The following TCF4 variants were observed in gnomAD, a reference collection of about 807,000 sequenced individuals.
The protein encoded by TCF4 is transcription factor 4.
Under a neutral mutation model 82.1 loss-of-function variants are expected in TCF4, and 3 were observed. The ratio of observed to expected loss-of-function variants is 0.04; its 90% confidence interval spans 0.02 to 0.09. The LOEUF (loss-of-function observed/expected upper bound fraction) is 0.09, where lower values mean the gene tolerates loss of function less well. TCF4 is among the 10% of genes least tolerant of loss of function. TCF4 has a pLI of 1.00. For missense variants in TCF4, 518 were observed against 852.7 expected (o/e 0.61, Z 4.89); for synonymous variants, 276 against 309.6 (o/e 0.89, Z 1.14).
intron 3 of TCF4, among the ~76,000 whole-genome samples, chr18:55,543,660 C>G (rs1253839215): frequency 6.6e-6 from 1 of 152,088 alleles, no homozygotes; most frequent in African/African-American, 2.4e-5. Flanking sequence ...CAAGGTGTAA[C>G]TGTTTTAGAA....
intron 8 of TCF4, among the ~76,000 whole-genome samples, chr18:55,318,874 G>A (rs998443628): frequency 1.3e-5 from 2 of 152,128 alleles, no homozygotes; most frequent in African/African-American, 4.8e-5. Context: ...CATAATTCTT[G>A]TAATGCTTAA....
chr18:55,243,117 T>G (rs1397309113), intron 15 of TCF4, among the ~76,000 whole-genome samples: 1 of 152,212 alleles, frequency 6.6e-6, no homozygotes, highest in Non-Finnish European at 1.5e-5. Flanking sequence ...CCAAATATAT[T>G]TTTAAAGAGC....
chr18:55,623,979 AAG>A (rs907467189), intron 2 of TCF4, among the ~76,000 whole-genome samples: 50 of 152,252 alleles, frequency 3.3e-4, no homozygotes, highest in African/African-American at 1.1e-3. Context: ...CCCAATTCAA[AAG>A]AGAGTTTCTC....
intron 5 of TCF4, among the ~76,000 whole-genome samples, chr18:55,459,701 T>C (rs1402244490): frequency 6.6e-6 from 1 of 152,274 alleles, no homozygotes; most frequent in African/African-American, 2.4e-5. Flanking sequence ...TATCTACATA[T>C]CCTGAGAACA....
At chr18:55,542,877 T>C (rs1009541178) in intron 3 of TCF4, among the ~76,000 whole-genome samples, 1 of 152,112 alleles carries the variant, frequency 6.6e-6, no homozygotes. Flanking sequence ...GTCTATTAAT[T>C]AAACATCTAA....
intron 15 of TCF4, among the ~76,000 whole-genome samples, chr18:55,243,007 G>A (rs1330124360): frequency 2.6e-5 from 4 of 152,182 alleles, no homozygotes; most frequent in Admixed American, 6.5e-5. Flanking sequence ...TTTAAAAAAT[G>A]ATGAAGTCAT....
At chr18:55,343,363 C>T (rs138785571) in intron 8 of TCF4, among the ~76,000 whole-genome samples, 303 of 152,246 alleles carry the variant, frequency 2.0e-3, no homozygotes, top group African/African-American at 6.8e-3. Context: ...AAATTTAACA[C>T]ACACACAGTT....
chr18:55,367,262 G>A (rs191075629), intron 6 of TCF4, among the ~76,000 whole-genome samples: 18 of 152,290 alleles, frequency 1.2e-4, no homozygotes, highest in African/African-American at 3.1e-4. Context: ...GTGTGTATGT[G>A]TAATATAGAT....
intron 8 of TCF4, among the ~76,000 whole-genome samples, chr18:55,316,184 C>T (rs993447527): frequency 6.6e-6 from 1 of 152,088 alleles, no homozygotes; most frequent in Admixed American, 6.6e-5. Context: ...GAAATTCTCA[C>T]AGGTACAAGG....
intron 3 of TCF4, among the ~76,000 whole-genome samples, chr18:55,536,714 TA>T (rs2097118680): frequency 6.6e-6 from 1 of 152,238 alleles, no homozygotes; most frequent in African/African-American, 2.4e-5. Flanking sequence ...ACAAATGTTT[TA>T]AAATTTCTGA....
In TCF4 at chr18:55,421,795, T is replaced by C. The variant is rs1438492217; in HGVS notation, c.305-18277A>G. 2.0e-5 allele frequency among the ~76,000 whole-genome samples: 3 copies of C among 152,234 alleles called. No individual in the cohort carries two copies. The East Asian group carries it at 5.8e-4, about 29-fold the overall frequency. The stretch of plus-strand genomic sequence containing the variant: ...CTTGAGGGCCAGATAGAACTTTCAG[T>C]TTAACTTCAGGCTTGTCTGTCAAAC... On this transcript the variant is annotated intron_variant, in intron 5 of 19. Coordinates refer to ENST00000354452, the MANE Select transcript of TCF4 (RefSeq NM_001083962.2).
At chr18:55,374,391 A>T (rs2090179581) in intron 6 of TCF4, among the ~76,000 whole-genome samples, 1 of 151,992 alleles carries the variant, frequency 6.6e-6, no homozygotes, top group Non-Finnish European at 1.5e-5. Flanking sequence ...TGGCAAGTGT[A>T]AGGAAAAACA....
intron 8 of TCF4, among the ~76,000 whole-genome samples, chr18:55,324,845 GA>G (rs1258581542): frequency 6.6e-6 from 1 of 151,988 alleles, no homozygotes; most frequent in Admixed American, 6.5e-5. Context: ...CACTTTTGGG[GA>G]AAAAAATTCT....
At chr18:55,484,343 T>C (rs913905187) in intron 3 of TCF4, among the ~76,000 whole-genome samples, 1 of 152,216 alleles carries the variant, frequency 6.6e-6, no homozygotes. Flanking sequence ...CATAGACTTT[T>C]TTCCTCTTCC....
At chr18:55,520,632 A>T (rs2096925119) in intron 3 of TCF4, among the ~76,000 whole-genome samples, 1 of 152,172 alleles carries the variant, frequency 6.6e-6, no homozygotes. Context: ...ATATTCTGTG[A>T]ATTTATAAAT....
intron 2 of TCF4, among the ~76,000 whole-genome samples, chr18:55,628,837 T>A (rs1233274651): frequency 6.6e-6 from 1 of 152,206 alleles, no homozygotes; most frequent in African/African-American, 2.4e-5. Flanking sequence ...CATTTGAGGC[T>A]GACAAACGGA....
At chr18:55,488,868 T>C (rs1038880340) in intron 3 of TCF4, among the ~76,000 whole-genome samples, 1 of 152,226 alleles carries the variant, frequency 6.6e-6, no homozygotes, top group African/African-American at 2.4e-5. Context: ...CAAAACAAGC[T>C]TTCCAAACAC....
intron 15 of TCF4, among the ~76,000 whole-genome samples, chr18:55,253,694 C>T (rs1285757334): frequency 6.6e-6 from 1 of 152,014 alleles, no homozygotes; most frequent in African/African-American, 2.4e-5. Flanking sequence ...TACACAGTCA[C>T]ATGCAATGTA....
rs1466484928 is a variant in TCF4, at chr18:55,489,904, T to A, written c.146-25767A>T. Among the ~76,000 whole-genome samples, 4 of 152,226 alleles carry A rather than the reference T, an allele frequency of 2.6e-5. No homozygotes were observed. The South Asian group carries it at 6.2e-4, about 24-fold the overall frequency. On this transcript the variant is annotated intron_variant, in intron 3 of 19. Coordinates refer to ENST00000354452, the MANE Select transcript of TCF4 (RefSeq NM_001083962.2). ...GCTCGGTGATGAAAAGCAGTCGTCA[T>A]TTGATTCAATCAGACCACATTCAAA...
Sources: gnomAD v4.1 joint callset for allele counts (sites outside exome capture counted in the v4.1 genomes callset) on GRCh38, gnomAD v4.1.1 for gene constraint, MANE v1.5 for transcripts, NCBI Gene and HGNC (gene_info 2026-07-23, HGNC 2026-07-21) for gene names.